Variants in SLC14A2 observed in about 807,000 individuals in gnomAD.
The protein encoded by SLC14A2 is solute carrier family 14 member 2, also known as urea transporter 2.
SLC14A2 carries 91 observed loss-of-function variants against 104.6 expected under a neutral mutation model. The observed-to-expected ratio is 0.87, with a 90% CI of 0.73 to 1.04. The LOEUF (loss-of-function observed/expected upper bound fraction) is 1.04. Among genes scored for constraint, SLC14A2 ranks in the 50% least tolerant of loss-of-function variants. SLC14A2 has a pLI of 0.00. For missense variants in SLC14A2, 1,189 were observed against 1,156.0 expected (o/e 1.03, Z -0.41); for synonymous variants, 476 against 466.4 (o/e 1.02, Z -0.27).
chr18:45,669,721 C>T (rs766005439), intron 16 of SLC14A2, among the ~76,000 whole-genome samples: 10 of 152,180 alleles, frequency 6.6e-5, no homozygotes, highest in South Asian at 2.1e-4. Flanking sequence ...AAGGAAACTG[C>T]GGCCACGTTA....
intron 2 of SLC14A2, among the ~76,000 whole-genome samples, chr18:45,562,515 G>A (rs147208036): frequency 6.6e-6 from 1 of 152,302 alleles, no homozygotes; most frequent in East Asian, 1.9e-4. Context: ...TCCTGGGGCA[G>A]GACTAAGCAT....
intron 13 of SLC14A2, among the ~76,000 whole-genome samples, chr18:45,667,358 C>T (rs2046043001): frequency 6.6e-6 from 1 of 152,186 alleles, no homozygotes; most frequent in African/African-American, 2.4e-5. Flanking sequence ...TCAAATATCC[C>T]ATCTGAATAT....
chr18:45,197,048 G>T, the SLC14A2 span, among the ~76,000 whole-genome samples: 3 of 152,184 alleles, frequency 2.0e-5, no homozygotes, highest in Non-Finnish European at 2.9e-5. Flanking sequence ...GAGGAAAAAG[G>T]TAGCGGCTCT....
chr18:45,331,226 A>G (rs879820583), intron 1 of SLC14A2, among the ~76,000 whole-genome samples: 1 of 152,206 alleles, frequency 6.6e-6, no homozygotes, highest in Non-Finnish European at 1.5e-5. Context: ...GAACCCAGTG[A>G]AGTAAAACCT....
Position 45,583,434 on chromosome 18 carries a change from T to C in SLC14A2, c.-34-41197T>C, listed in dbSNP as rs185922859. ...TCTTTGCCTTGGAAATCTGCCCTAATTTCTATCCTGTTCTGGATCATTACT... is the reference window on the plus strand; with the variant it reads ...TCTTTGCCTTGGAAATCTGCCCTAACTTCTATCCTGTTCTGGATCATTACT... On this transcript the variant is annotated intron_variant, in intron 2 of 20. Coordinates refer to the SLC14A2 transcript ENST00000586448. Among the ~76,000 whole-genome samples the C allele has an allele frequency of 6.6e-4, 101 of 152,354 alleles. 3 individuals are homozygous for C. The East Asian group carries it at 0.019, about 29-fold the overall frequency.
chr18:45,490,364 G>A (rs564293997), intron 2 of SLC14A2, among the ~76,000 whole-genome samples: 2 of 152,152 alleles, frequency 1.3e-5, no homozygotes, highest in African/African-American at 2.4e-5. Context: ...GGAATAGACT[G>A]TTTGATACAT....
At chr18:45,449,296 G>A (rs1347536653) in intron 1 of SLC14A2, among the ~76,000 whole-genome samples, 1 of 152,064 alleles carries the variant, frequency 6.6e-6, no homozygotes, top group Non-Finnish European at 1.5e-5. Context: ...GGAGGGTGAG[G>A]GGCAATTCTG....
intron 1 of SLC14A2, among the ~76,000 whole-genome samples, chr18:45,349,709 G>A (rs1438853735): frequency 6.6e-6 from 1 of 152,176 alleles, no homozygotes; most frequent in Non-Finnish European, 1.5e-5. Context: ...TTCCCCAAAT[G>A]TTTCCCTGGA....
chr18:45,542,035 G>GTTTTTTTTTTGTT (rs2043891896), intron 2 of SLC14A2, among the ~76,000 whole-genome samples: 1 of 54,236 alleles, frequency 1.8e-5, no homozygotes, highest in African/African-American at 6.2e-5. Context: ...AAGAGAGAGG[G>GTTTTTTTTTTGTT]TTTTTTTTTT....
intron 18 of SLC14A2, among the ~76,000 whole-genome samples, chr18:45,678,117 T>C (rs8088117): frequency 0.99 from 150,521 of 152,284 alleles, 74,408 homozygotes; most frequent in Middle Eastern, 1. Flanking sequence ...CCACTCCCAG[T>C]CGTGTAACTC....
intron 1 of SLC14A2, among the ~76,000 whole-genome samples, chr18:45,304,353 C>G (rs951403712): frequency 6.6e-6 from 1 of 152,214 alleles, no homozygotes; most frequent in Non-Finnish European, 1.5e-5. Context: ...AAATAAGCCA[C>G]AAGCCCACTG....
chr18:45,400,465 T>C (rs2086083904), intron 1 of SLC14A2, among the ~76,000 whole-genome samples: 1 of 152,200 alleles, frequency 6.6e-6, no homozygotes, highest in Non-Finnish European at 1.5e-5. Context: ...ACAAGAAATA[T>C]TAGTTTGTCC....
At chr18:45,355,341 C>T (rs570621216) in intron 1 of SLC14A2, among the ~76,000 whole-genome samples, 2 of 151,950 alleles carry the variant, frequency 1.3e-5, no homozygotes, top group Non-Finnish European at 2.9e-5. Context: ...TTTGGGAGGC[C>T]GAGGTGGGTG....
intron 2 of SLC14A2, among the ~76,000 whole-genome samples, chr18:45,508,736 C>T (rs1230654049): frequency 2.6e-5 from 4 of 152,156 alleles, no homozygotes; most frequent in African/African-American, 9.7e-5. Flanking sequence ...TCTGATGGGC[C>T]ACTGGAAGCT....
At chr18:45,215,715 T>A (rs577001880) in intron 1 of SLC14A2, among the ~76,000 whole-genome samples, 1 of 152,342 alleles carries the variant, frequency 6.6e-6, no homozygotes, top group African/African-American at 2.4e-5. Flanking sequence ...TGCCGCAGCT[T>A]ATTGACAGAA....
chr18:45,243,314 T>G (rs1446115542), intron 1 of SLC14A2, among the ~76,000 whole-genome samples: 2 of 152,204 alleles, frequency 1.3e-5, no homozygotes, highest in African/African-American at 4.8e-5. Flanking sequence ...TTACCATAAT[T>G]AATCCTAACA....
intron 1 of SLC14A2, among the ~76,000 whole-genome samples, chr18:45,317,708 GC>G (rs1277916227): frequency 6.6e-6 from 1 of 152,166 alleles, no homozygotes; most frequent in Non-Finnish European, 1.5e-5. Flanking sequence ...GTGTTCCCCA[GC>G]TTTTGCCATC....
intron 1 of SLC14A2, among the ~76,000 whole-genome samples, chr18:45,253,052 C>G (rs1311058105): frequency 2.6e-5 from 4 of 152,196 alleles, no homozygotes; most frequent in African/African-American, 9.7e-5. Context: ...TCCATCCACC[C>G]TACAGTCTTT....
intron 1 of SLC14A2, among the ~76,000 whole-genome samples, chr18:45,234,841 CTTTT>C (rs199740276): frequency 6.6e-6 from 1 of 151,288 alleles, no homozygotes; most frequent in Non-Finnish European, 1.5e-5. Flanking sequence ...TATTTAGCGC[CTTTT>C]TTTTTCTTTT....
Sources: allele counts gnomAD v4.1 joint callset (sites outside exome capture counted in the v4.1 genomes callset), GRCh38; gene constraint gnomAD v4.1.1; transcripts MANE v1.5; gene names NCBI Gene and HGNC (gene_info 2026-07-23, HGNC 2026-07-21).